TPTE2: variants seen among roughly 807,000 people sequenced by gnomAD.
TPTE2 encodes phosphatidylinositol 3,4,5-trisphosphate 3-phosphatase TPTE2.
TPTE2 carries 53 observed loss-of-function variants against 78.6 expected under a neutral mutation model. The observed-to-expected ratio is 0.67, with a 90% CI of 0.54 to 0.85. The LOEUF (loss-of-function observed/expected upper bound fraction) is 0.85, where lower values mean the gene tolerates loss of function less well. TPTE2 is among the 40% of genes least tolerant of loss of function. TPTE2 has a pLI of 0.00. For synonymous variants in TPTE2, 175 were observed against 206.2 expected (o/e 0.85, Z 1.30); for missense variants, 461 against 623.0 (o/e 0.74, Z 2.77).
chr13:19,524,946 A>G (rs1870405238), intron 1 of TPTE2, among the ~76,000 whole-genome samples: 1 of 152,230 alleles, frequency 6.6e-6, no homozygotes, highest in African/African-American at 2.4e-5. Flanking sequence ...CCTGCACAGT[A>G]TATTAAGAAG....
At chr13:19,445,439 C>T (rs1252823664) in intron 13 of TPTE2, among the ~76,000 whole-genome samples, 1 of 152,076 alleles carries the variant, frequency 6.6e-6, no homozygotes, top group Non-Finnish European at 1.5e-5. Context: ...GATAAAAATA[C>T]TCAGAATTGC....
intron 1 of TPTE2, among the ~76,000 whole-genome samples, chr13:19,517,102 C>A (rs1869841168): frequency 6.6e-6 from 1 of 152,154 alleles, no homozygotes; most frequent in Admixed American, 6.5e-5. Flanking sequence ...TCCCTGTAAG[C>A]CCTGGACCTG....
intron 10 of TPTE2, among the ~76,000 whole-genome samples, chr13:19,454,454 T>C (rs1159120045): frequency 1.3e-5 from 2 of 152,222 alleles, no homozygotes; most frequent in African/African-American, 2.4e-5. Context: ...AAGGGCTCCA[T>C]GGCCTGATTC....
chr13:19,560,916 A>G, the TPTE2 span: 1 of 1,590,970 alleles, frequency 6.3e-7, no homozygotes, highest in Non-Finnish European at 8.6e-7. Context: ...GAGGCCAGAC[A>G]GCTGTACTCC....
chr13:19,560,550 G>A, the TPTE2 span: 1 of 1,595,430 alleles, frequency 6.3e-7, no homozygotes, highest in Non-Finnish European at 8.5e-7. Flanking sequence ...AGCCTGGGAT[G>A]CTCTTGGCCC....
At position 19,535,570 on chromosome 13, in the gene TPTE2, T is replaced by A. The variant is rs1039598825; in HGVS notation, c.-44+1026A>T. 7.9e-5 allele frequency among the ~76,000 whole-genome samples: 12 copies of A among 152,004 alleles called. No individual in the cohort carries two copies. The highest frequency in any genetic ancestry group is 2.9e-4 in the African/African-American group (12 of 41,434). The stretch of plus-strand genomic sequence containing the variant: ...CAAGGATTAAATTTAGATTGATTAA[T>A]AAGTGACTGAGGTTCTAAGTAATAC... On this transcript the variant is annotated intron_variant, in intron 1 of 17. Coordinates refer to the TPTE2 transcript ENST00000390680. This position sits in a 1 kb window ranked among gnomAD's most constrained non-coding sequence, Gnocchi z 5.1.
intron 1 of TPTE2, among the ~76,000 whole-genome samples, chr13:19,497,438 C>T (rs375144271): frequency 0.02 from 2,375 of 119,780 alleles, 34 homozygotes; most frequent in Admixed American, 0.057. Flanking sequence ...TCTCCCAGCA[C>T]GCAGCTGGAG....
At chr13:19,504,571 G>C (rs1868865618), upstream of TPTE2, among the ~76,000 whole-genome samples, 1 of 151,956 alleles carries the variant, frequency 6.6e-6, no homozygotes, top group African/African-American at 2.4e-5. Context: ...TTCTTCCCTT[G>C]GTCCACTCTA....
chr13:19,497,984 C>T (rs1379380808), intron 1 of TPTE2, among the ~76,000 whole-genome samples: 1 of 151,332 alleles, frequency 6.6e-6, no homozygotes, highest in Non-Finnish European at 1.5e-5. Context: ...AACCAAGGCT[C>T]GAGAACTACG....
chr13:19,481,588 C>T (rs567848080), intron 4 of TPTE2, among the ~76,000 whole-genome samples: 56 of 152,198 alleles, frequency 3.7e-4, no homozygotes, highest in Non-Finnish European at 7.4e-4. Context: ...AAATGAAAAC[C>T]TGCTTTATTT....
the TPTE2 span, among the ~76,000 whole-genome samples, chr13:19,553,852 A>T: frequency 1.1e-4 from 16 of 152,350 alleles, no homozygotes; most frequent in East Asian, 2.7e-3. Flanking sequence ...GTTCAAAATT[A>T]TAACTGGCAG....
At chr13:19,451,165 T>C (rs201812347) in exon 11 of TPTE2, 9 of 1,613,282 alleles carry the variant, frequency 5.6e-6, no homozygotes, top group South Asian at 2.2e-5. Context: ...ATGTACATAC[T>C]GCATAGATTG....
upstream of TPTE2, among the ~76,000 whole-genome samples, chr13:19,506,510 C>G (rs928319855): frequency 6.6e-6 from 1 of 152,080 alleles, no homozygotes; most frequent in Non-Finnish European, 1.5e-5. Context: ...ATGGGTGGCT[C>G]TCTCATAGGT....
At chr13:19,450,976 C>T (rs886455342) in intron 11 of TPTE2, among the ~76,000 whole-genome samples, 189 bp downstream of exon 14, 2 of 152,212 alleles carry the variant, frequency 1.3e-5, no homozygotes, top group Admixed American at 6.5e-5. Context: ...ATCCTTCATA[C>T]GGTACCTTGT....
At chr13:19,548,512 T>C in the TPTE2 span, among the ~76,000 whole-genome samples, 1 of 151,990 alleles carries the variant, frequency 6.6e-6, no homozygotes, top group African/African-American at 2.4e-5. Context: ...CCATAGAGGA[T>C]ATGTAAGAAT....
intron 3 of TPTE2, among the ~76,000 whole-genome samples, chr13:19,489,636 A>G (rs550605605): frequency 6.7e-6 from 1 of 150,326 alleles, no homozygotes; most frequent in South Asian, 2.1e-4. Flanking sequence ...ATGTAGACAT[A>G]TGTATATAGA....
At chr13:19,512,417 T>A (rs548964903) in intron 1 of TPTE2, among the ~76,000 whole-genome samples, 1 of 152,328 alleles carries the variant, frequency 6.6e-6, no homozygotes, top group East Asian at 1.9e-4. Context: ...GTCCTCCTGG[T>A]GAAAATGGAA....
intron 1 of TPTE2, among the ~76,000 whole-genome samples, chr13:19,531,889 T>C (rs1202005667): frequency 6.6e-6 from 1 of 152,110 alleles, no homozygotes; most frequent in Non-Finnish European, 1.5e-5. Context: ...ATCGCGCCAC[T>C]GCACTCCAGC....
chr13:19,555,972 G>A, the TPTE2 span, among the ~76,000 whole-genome samples: 5 of 151,478 alleles, frequency 3.3e-5, no homozygotes, highest in Admixed American at 2.0e-4. Flanking sequence ...ACCACCATGC[G>A]CAGCCAATTT....
Sources: allele counts gnomAD v4.1 joint callset (sites outside exome capture counted in the v4.1 genomes callset), GRCh38; gene constraint gnomAD v4.1.1; non-coding constraint Gnocchi (gnomAD v3.1); transcripts MANE v1.5; gene names NCBI Gene and HGNC (gene_info 2026-07-23, HGNC 2026-07-21).